The following VWA8 variants were observed in gnomAD, a reference collection of about 807,000 sequenced individuals.
The protein encoded by VWA8 is von Willebrand factor A domain containing 8.
A neutral mutation model predicts 241.5 loss-of-function variants in VWA8; 221 were observed. That is an observed-to-expected ratio of 0.91 (90% CI 0.82 to 1.02). The LOEUF is 1.02. VWA8 is among the 50% of genes least tolerant of loss of function. The pLI is 0.00. For missense variants in VWA8, 2,322 were observed against 2,328.7 expected, an observed-to-expected ratio of 1.00 and a Z score of 0.06; for synonymous variants, 852 against 827.1, an observed-to-expected ratio of 1.03 and a Z score of -0.52.
chr13:41,594,665 G>A lies in VWA8; in HGVS notation c.4987-3900C>T, dbSNP rs115142735. Among the ~76,000 whole-genome samples, 275 of 152,242 alleles carry A rather than the reference G, an allele frequency of 1.8e-3. 3 individuals carry two copies. The highest frequency in any genetic ancestry group is 6.2e-3 in the African/African-American group (258 of 41,548). On this transcript the variant is annotated intron_variant, in intron 40 of 44. Transcript: ENST00000379310. Reference sequence around the variant, plus strand: ...TGGAGGACACACAGCTGATGTTGGCGGAGCATAGCAGGCATCAGCTCACGG... The same window carrying A: ...TGGAGGACACACAGCTGATGTTGGCAGAGCATAGCAGGCATCAGCTCACGG...
rs192502219 is a variant in VWA8, at chr13:41,809,775, C to T, written c.2063+1450G>A. Among the ~76,000 whole-genome samples the T allele has an allele frequency of 7.2e-5, 11 of 152,194 alleles. No homozygotes were observed. In the East Asian group the frequency reaches 2.1e-3, roughly 29 times the overall value. Reference sequence around the variant, plus strand: ...AATAGGATCACATTGAGTTAAAAAGCTTCTTGGGCAGCAAAGGAAATTGTC... The same window carrying T: ...AATAGGATCACATTGAGTTAAAAAGTTTCTTGGGCAGCAAAGGAAATTGTC... On this transcript the variant is annotated intron_variant, in intron 17 of 44. Transcript: ENST00000379310.
intron 17 of VWA8, among the ~76,000 whole-genome samples, chr13:41,799,131 C>T (rs541508831): frequency 5.2e-4 from 79 of 151,946 alleles, no homozygotes; most frequent in Non-Finnish European, 1.0e-3. Flanking sequence ...ATTTTTAGTT[C>T]TTGAAGTTCT....
intron 21 of VWA8, among the ~76,000 whole-genome samples, chr13:41,732,586 C>T (rs1436660265): frequency 2.0e-5 from 3 of 151,740 alleles, no homozygotes; most frequent in South Asian, 4.1e-4. Context: ...ACAATTAAAG[C>T]AAATCTAGTA....
intron 43 of VWA8, among the ~76,000 whole-genome samples, chr13:41,573,023 C>T (rs1199672704): frequency 1.9e-4 from 28 of 147,230 alleles, no homozygotes; most frequent in Admixed American, 5.5e-4. Flanking sequence ...ACAGGAGAGT[C>T]GCTTGGGTGT....
At chr13:41,793,647 A>C (rs569777050) in intron 17 of VWA8, among the ~76,000 whole-genome samples, 1 of 152,192 alleles carries the variant, frequency 6.6e-6, no homozygotes, top group East Asian at 1.9e-4. Flanking sequence ...CCCCATCTGT[A>C]CCGAAAATAC....
At chr13:41,805,587 G>A (rs917595406) in intron 17 of VWA8, among the ~76,000 whole-genome samples, 1 of 152,112 alleles carries the variant, frequency 6.6e-6, no homozygotes, top group African/African-American at 2.4e-5. Context: ...GCTGAGATGG[G>A]CAGATCACCT....
At chr13:41,886,309 A>T (rs1393127116) in intron 7 of VWA8, among the ~76,000 whole-genome samples, 1 of 151,462 alleles carries the variant, frequency 6.6e-6, no homozygotes, top group Non-Finnish European at 1.5e-5. Flanking sequence ...CCAAACCTAA[A>T]CTCTAGCCTC....
chr13:41,711,892 T>A (rs1015516356), intron 26 of VWA8, among the ~76,000 whole-genome samples: 5 of 151,880 alleles, frequency 3.3e-5, no homozygotes, highest in African/African-American at 1.2e-4. Flanking sequence ...AAAAAAGAAA[T>A]TTTAAAAAGA....
At position 41,869,631 on chromosome 13, in the gene VWA8, C is replaced by CAAAAAA. The variant is rs532296102; in HGVS notation, c.1081-1160_1081-1155dup. Among the ~76,000 whole-genome samples the CAAAAAA allele has an allele frequency of 4.0e-4, 16 of 40,298 alleles. 2 individuals carry two copies. The highest frequency in any genetic ancestry group is 1.9e-3 in the East Asian group (2 of 1,028). 26.4% of individuals were successfully genotyped at this position (40,298 alleles called of 152,430 possible). On this transcript the variant is annotated intron_variant, in intron 9 of 44. Coordinates refer to ENST00000379310, the MANE Select transcript of VWA8 (RefSeq NM_015058.2). The stretch of plus-strand genomic sequence containing the variant: ...GGGCAACAGAGCGAAAACTTTGTCT[C>CAAAAAA]AAAAAAAAAAAAAAAAAAAAAAAAA...
At chr13:41,844,746 T>C (rs1243120172) in intron 12 of VWA8, among the ~76,000 whole-genome samples, 1 of 150,992 alleles carries the variant, frequency 6.6e-6, no homozygotes, top group African/African-American at 2.4e-5. Flanking sequence ...TATACACCAA[T>C]ACATTCAAGC....
chr13:41,926,216 C>A (rs141023354), intron 2 of VWA8: 8 of 696,170 alleles, frequency 1.1e-5, no homozygotes, highest in Middle Eastern at 2.5e-4. Context: ...TGCTGTCTCC[C>A]CACATGCATA....
At chr13:41,749,255 T>C (rs1234172074) in intron 21 of VWA8, among the ~76,000 whole-genome samples, 1 of 152,210 alleles carries the variant, frequency 6.6e-6, no homozygotes, top group African/African-American at 2.4e-5. Context: ...CATGAAAAAG[T>C]GCTCATCATC....
At chr13:41,843,825 T>A (rs1329892511) in intron 12 of VWA8, among the ~76,000 whole-genome samples, 1 of 152,082 alleles carries the variant, frequency 6.6e-6, no homozygotes, top group African/African-American at 2.4e-5. Flanking sequence ...AATATCAAGT[T>A]CTGAAATTGA....
intron 21 of VWA8, among the ~76,000 whole-genome samples, chr13:41,746,941 C>T (rs997446496): frequency 4.6e-5 from 7 of 152,166 alleles, no homozygotes; most frequent in African/African-American, 7.2e-5. Flanking sequence ...CAGTACTACC[C>T]TCACTAAAAT....
At chr13:41,659,472 T>C (rs1303488261) in intron 37 of VWA8, among the ~76,000 whole-genome samples, 2 of 152,230 alleles carry the variant, frequency 1.3e-5, no homozygotes, top group Non-Finnish European at 2.9e-5. Flanking sequence ...CATGTAAGTA[T>C]TGGCTATTAC....
At chr13:41,724,756 T>C (rs1238238902) in intron 24 of VWA8, among the ~76,000 whole-genome samples, 1 of 152,218 alleles carries the variant, frequency 6.6e-6, no homozygotes, top group Non-Finnish European at 1.5e-5. Context: ...GAAAGAGAAT[T>C]TCCCTTTCCC....
At chr13:41,845,876 G>A (rs956695270) in intron 12 of VWA8, among the ~76,000 whole-genome samples, 5 of 151,900 alleles carry the variant, frequency 3.3e-5, no homozygotes, top group Non-Finnish European at 5.9e-5. Context: ...ATAACTGTTG[G>A]GTACTATGCT....
Position 41,721,486 on chromosome 13 carries a change from G to T in VWA8, c.2848C>A (p.Pro950Thr). Residue 950 changes from proline (P) to threonine (T), a missense_variant, in exon 25 of 45, where the codon CCC (proline) becomes ACC (threonine). Pro to Thr is a conservative substitution (Grantham distance 38). Transcript: ENST00000379310. ...LRQYGPNVPE[P>T]ILQKLVAAFG... is the part of the protein sequence containing the mutation. ...GCAGCCACAAGCTTCTGAAGGATGG[G>T]CTCAGGCACATTTGGTCCATACTGT... The T allele has an allele frequency of 6.2e-7, 1 of 1,613,904 alleles. No individual in the cohort carries two copies. Among genetic ancestry groups the T allele is most frequent in the East Asian group, 2.2e-5 (1 of 44,878 alleles).
At chr13:41,655,322 C>T (rs2139690734) in intron 37 of VWA8, among the ~76,000 whole-genome samples, 1 of 152,252 alleles carries the variant, frequency 6.6e-6, no homozygotes, top group Middle Eastern at 3.4e-3. Flanking sequence ...CTCCTGACGT[C>T]AGTTGATCCG....
Sources: gnomAD v4.1 joint callset for allele counts (sites outside exome capture counted in the v4.1 genomes callset) on GRCh38, gnomAD v4.1.1 for gene constraint, MANE v1.5 for transcripts, NCBI Gene and HGNC (gene_info 2026-07-23, HGNC 2026-07-21) for gene names.